Variants in ARID1B observed in about 807,000 individuals in gnomAD.
The protein encoded by ARID1B is AT-rich interaction domain 1B.
Under a neutral mutation model 212.3 loss-of-function variants are expected in ARID1B, and 30 were observed. The ratio of observed to expected loss-of-function variants is 0.14; its 90% CI spans 0.11 to 0.19. The LOEUF is 0.19. Ranked by LOEUF, ARID1B falls within the 10% of genes least tolerant of loss-of-function variation. The probability of loss-of-function intolerance (pLI) is 1.00; values close to 1 mark genes in which losing one functional copy is unlikely to be tolerated. For missense variants in ARID1B, 2,891 were observed against 3,204.0 expected (o/e 0.90, Z 2.36); for synonymous variants, 1,402 against 1,301.7 (o/e 1.08, Z -1.66).
chr6:157,112,922 C>CTT (rs573564655), intron 6 of ARID1B, among the ~76,000 whole-genome samples: 55 of 137,252 alleles, frequency 4.0e-4, no homozygotes, highest in African/African-American at 1.1e-3. Flanking sequence ...ATGACCACTT[C>CTT]TTTTTTTTTT....
intron 4 of ARID1B, among the ~76,000 whole-genome samples, chr6:156,993,418 G>A (rs1010734400): frequency 3.3e-5 from 5 of 152,142 alleles, no homozygotes; most frequent in African/African-American, 9.7e-5. Flanking sequence ...CAAGTTTTTA[G>A]CAAAAGTATT....
At chr6:156,802,596 T>A (rs1428604048) in intron 1 of ARID1B, among the ~76,000 whole-genome samples, 1 of 152,246 alleles carries the variant, frequency 6.6e-6, no homozygotes, top group African/African-American at 2.4e-5. Flanking sequence ...TCTATTTAGG[T>A]TCTTAGGTTA....
intron 2 of ARID1B, among the ~76,000 whole-genome samples, chr6:156,834,512 A>G (rs1783369052): frequency 6.6e-6 from 1 of 152,236 alleles, no homozygotes; most frequent in Admixed American, 6.5e-5. Context: ...TTCTTGTGTA[A>G]TGAAACGTGT....
chr6:157,013,736 A>G (rs1415052948), intron 4 of ARID1B, among the ~76,000 whole-genome samples: 5 of 152,228 alleles, frequency 3.3e-5, no homozygotes, highest in Non-Finnish European at 5.9e-5. Flanking sequence ...TGTACTGACT[A>G]GAAACTGATT....
chr6:157,033,820 AAGTGTG>A (rs1051900315), intron 4 of ARID1B, among the ~76,000 whole-genome samples: 7 of 152,182 alleles, frequency 4.6e-5, no homozygotes, highest in African/African-American at 1.4e-4. Flanking sequence ...CATTTGAAAT[AAGTGTG>A]AGTTAATGGA....
At chr6:157,110,299 CTT>C (rs1399620231) in intron 5 of ARID1B, among the ~76,000 whole-genome samples, 171 bp from the exon 6 acceptor site, 4 of 152,006 alleles carry the variant, frequency 2.6e-5, no homozygotes, top group African/African-American at 9.7e-5. Flanking sequence ...CATGTTTCCT[CTT>C]TGTTTCCCAG....
At chr6:156,860,339 C>CTTTT (rs34274512) in intron 2 of ARID1B, among the ~76,000 whole-genome samples, 1 of 146,782 alleles carries the variant, frequency 6.8e-6, no homozygotes, top group African/African-American at 2.5e-5. Flanking sequence ...TCAGTGTCTT[C>CTTTT]TTTTTTTTTT....
At chr6:157,188,032 ATG>A (rs1227337845) in intron 13 of ARID1B, among the ~76,000 whole-genome samples, 2 of 152,088 alleles carry the variant, frequency 1.3e-5, no homozygotes, top group African/African-American at 2.4e-5. Context: ...CCTTTTTAAC[ATG>A]TGTTTCCAGG....
At chr6:157,113,897 A>G (rs1295163998) in intron 6 of ARID1B, among the ~76,000 whole-genome samples, 1 of 152,222 alleles carries the variant, frequency 6.6e-6, no homozygotes, top group Non-Finnish European at 1.5e-5. Context: ...TTTATTATTT[A>G]TTAAAACTTA....
intron 2 of ARID1B, among the ~76,000 whole-genome samples, chr6:156,878,130 C>T (rs769646966): frequency 1.1e-4 from 16 of 152,260 alleles, no homozygotes; most frequent in Admixed American, 2.6e-4. Context: ...CTGGGCGTCA[C>T]GTTCTGCCTT....
intron 4 of ARID1B, among the ~76,000 whole-genome samples, chr6:157,007,219 A>C (rs1779299014): frequency 1.3e-5 from 2 of 152,256 alleles, no homozygotes; most frequent in Admixed American, 6.5e-5. Context: ...GAGACTAAAG[A>C]TAATTGTTAC....
chr6:156,806,751 G>A (rs1286638568), intron 1 of ARID1B, among the ~76,000 whole-genome samples: 3 of 152,148 alleles, frequency 2.0e-5, no homozygotes, highest in Non-Finnish European at 4.4e-5. Context: ...TTAGAGACAC[G>A]TTTGGATCAG....
intron 1 of ARID1B, among the ~76,000 whole-genome samples, chr6:156,818,143 A>G (rs561253307): frequency 1.8e-5 from 2 of 113,378 alleles, no homozygotes; most frequent in East Asian, 2.4e-4. Flanking sequence ...AGATTTGACC[A>G]TATATTAGTC....
chr6:157,162,344 C>T (rs1285716252), intron 8 of ARID1B, among the ~76,000 whole-genome samples: 1 of 152,228 alleles, frequency 6.6e-6, no homozygotes, highest in Non-Finnish European at 1.5e-5. Flanking sequence ...TTTCTGTTTT[C>T]ACACTGAACC....
chr6:157,086,066 T>A (rs1784945260), intron 5 of ARID1B, among the ~76,000 whole-genome samples: 1 of 152,240 alleles, frequency 6.6e-6, no homozygotes, highest in Non-Finnish European at 1.5e-5. Context: ...TGACTATAAT[T>A]TATCATCCAA....
intron 2 of ARID1B, among the ~76,000 whole-genome samples, chr6:156,848,131 G>A (rs1393790511): frequency 3.3e-5 from 5 of 152,296 alleles, no homozygotes; most frequent in South Asian, 2.1e-4. Context: ...AGAATGAAAC[G>A]GGAAGAAATT....
At chr6:157,154,568 G>GT (rs770934447) in intron 8 of ARID1B, among the ~76,000 whole-genome samples, 1,868 of 118,390 alleles carry the variant, frequency 0.016, 44 homozygotes, top group African/African-American at 0.048. Context: ...CTGCTCTTCT[G>GT]TTTTTTTTTT....
intron 3 of ARID1B, among the ~76,000 whole-genome samples, chr6:156,918,992 G>A (rs1185059318): frequency 6.6e-6 from 1 of 152,102 alleles, no homozygotes; most frequent in Non-Finnish European, 1.5e-5. Flanking sequence ...GTGTGTTTTG[G>A]TGGCGTTATT....
intron 6 of ARID1B, among the ~76,000 whole-genome samples, chr6:157,123,231 G>GCCCC (rs1562637014): frequency 3.3e-5 from 1 of 29,940 alleles, no homozygotes; most frequent in Admixed American, 3.2e-4. Flanking sequence ...TCTCCCCCCC[G>GCCCC]CCCCCCGCCC....
Sources: gnomAD v4.1 joint callset for allele counts (sites outside exome capture counted in the v4.1 genomes callset) on GRCh38, gnomAD v4.1.1 for gene constraint, MANE v1.5 for transcripts, NCBI Gene and HGNC (gene_info 2026-07-23, HGNC 2026-07-21) for gene names.